DPH6: variants seen among roughly 807,000 people sequenced by gnomAD.
DPH6 encodes the protein diphthine--ammonia ligase.
Under a neutral mutation model 38.2 loss-of-function variants are expected in DPH6, and 33 were observed. That is an observed-to-expected ratio of 0.86 (90% CI 0.65 to 1.15). The LOEUF is 1.15. Ranked by LOEUF, DPH6 falls within the 50% of genes most tolerant of loss-of-function variation. The pLI, the probability that DPH6 is intolerant of heterozygous loss-of-function variation, is 0.00. For synonymous variants in DPH6, 108 were observed against 103.0 expected (o/e 1.05, Z -0.30); for missense variants, 325 against 320.0 (o/e 1.02, Z -0.12).
intron 3 of DPH6, among the ~76,000 whole-genome samples, chr15:35,464,755 T>TTA (rs1463902260): frequency 6.6e-6 from 1 of 152,152 alleles, no homozygotes; most frequent in Non-Finnish European, 1.5e-5. Flanking sequence ...CTGTAAGAGT[T>TTA]TATAACCTAG....
chr15:35,513,878 A>C (rs1376140954), intron 3 of DPH6, among the ~76,000 whole-genome samples: 1 of 152,036 alleles, frequency 6.6e-6, no homozygotes, highest in Non-Finnish European at 1.5e-5. Context: ...TTTAGCTATT[A>C]TGTTAATAAG....
chr15:35,519,045 C>T (rs1380170815), intron 3 of DPH6: 1 of 151,762 alleles, frequency 6.6e-6, no homozygotes, highest in Non-Finnish European at 1.5e-5. Context: ...TAAACTTAAT[C>T]CATAACATTT....
At chr15:35,243,186 T>G (rs1016549625) in intron 3 of DPH6, among the ~76,000 whole-genome samples, 1 of 141,654 alleles carries the variant, frequency 7.1e-6, no homozygotes, top group East Asian at 2.2e-4. Context: ...TGACAAATGT[T>G]TCTTCTAACA....
intron 6 of DPH6, among the ~76,000 whole-genome samples, chr15:35,390,774 G>A (rs1366947768): frequency 1.3e-5 from 2 of 151,816 alleles, no homozygotes; most frequent in African/African-American, 4.8e-5. Flanking sequence ...TAACTTCTTT[G>A]CCATTGGTTC....
chr15:35,294,809 C>G (rs960618177), intron 3 of DPH6, among the ~76,000 whole-genome samples: 1 of 152,158 alleles, frequency 6.6e-6, no homozygotes, highest in African/African-American at 2.4e-5. Context: ...AGAACTGGAT[C>G]AGGGAGGCCA....
chr15:35,332,537 T>C (rs918556647), intron 3 of DPH6, among the ~76,000 whole-genome samples: 1 of 152,174 alleles, frequency 6.6e-6, no homozygotes, highest in African/African-American at 2.4e-5. Context: ...ATTGTACTTT[T>C]TAAAAGGCCA....
chr15:35,269,084 A>T (rs2051803845), intron 3 of DPH6, among the ~76,000 whole-genome samples: 1 of 152,162 alleles, frequency 6.6e-6, no homozygotes, highest in African/African-American at 2.4e-5. Context: ...TGCTATTCAG[A>T]CTTATCCCCT....
At chr15:35,348,318 C>G (rs1451002126) in intron 3 of DPH6, among the ~76,000 whole-genome samples, 2 of 152,098 alleles carry the variant, frequency 1.3e-5, no homozygotes, top group Admixed American at 1.3e-4. Flanking sequence ...TTTTTAATTA[C>G]TTTTTGTATA....
chr15:35,253,313 A>G (rs947784189), intron 3 of DPH6, among the ~76,000 whole-genome samples: 1 of 152,228 alleles, frequency 6.6e-6, no homozygotes, highest in African/African-American at 2.4e-5. Flanking sequence ...TAAAATTTTT[A>G]CTGCTTCCTT....
At chr15:35,467,170 A>G (rs2054137261) in intron 3 of DPH6, among the ~76,000 whole-genome samples, 1 of 152,314 alleles carries the variant, frequency 6.6e-6, no homozygotes. Flanking sequence ...ATTAAAACAT[A>G]AATAAATTGT....
intron 3 of DPH6, among the ~76,000 whole-genome samples, chr15:35,496,645 A>G (rs913702940): frequency 1.4e-5 from 2 of 145,958 alleles, no homozygotes; most frequent in Non-Finnish European, 3.0e-5. Context: ...AAAATGAGCA[A>G]CAGACTTGAC....
At chr15:35,195,001 A>T in the DPH6 span, among the ~76,000 whole-genome samples, 2 of 152,198 alleles carry the variant, frequency 1.3e-5, no homozygotes, top group Non-Finnish European at 2.9e-5. Flanking sequence ...TGACCTATTG[A>T]ACACCAGGTT....
At chr15:35,411,781 C>CA (rs2053370156) in intron 5 of DPH6, among the ~76,000 whole-genome samples, 1 of 151,610 alleles carries the variant, frequency 6.6e-6, no homozygotes, top group African/African-American at 2.4e-5. Flanking sequence ...GTTTTGTCAA[C>CA]AAATGGTGTG....
At chr15:35,386,863 A>G (rs1249965946) in intron 6 of DPH6, among the ~76,000 whole-genome samples, 1 of 151,882 alleles carries the variant, frequency 6.6e-6, no homozygotes, top group South Asian at 2.1e-4. Flanking sequence ...CCATTTGTCA[A>G]TTTTGGCTTT....
the DPH6 span, among the ~76,000 whole-genome samples, chr15:35,190,247 C>T: frequency 2.0e-5 from 3 of 152,280 alleles, no homozygotes; most frequent in East Asian, 1.9e-4. Flanking sequence ...TAGACAGAGC[C>T]GATTTATCAA....
intron 3 of DPH6, among the ~76,000 whole-genome samples, chr15:35,241,559 C>A (rs1287993107): frequency 7.0e-6 from 1 of 142,680 alleles, no homozygotes; most frequent in East Asian, 2.2e-4. Flanking sequence ...ACCAAATTAT[C>A]TGCTTCCCTG....
At chr15:35,202,605 C>G in the DPH6 span, among the ~76,000 whole-genome samples, 1 of 151,696 alleles carries the variant, frequency 6.6e-6, no homozygotes, top group East Asian at 1.9e-4. Context: ...GTAAACGAGC[C>G]CTGAGCAGTC....
chr15:35,325,861 A>G (rs2052278061), downstream of DPH6, among the ~76,000 whole-genome samples: 1 of 152,234 alleles, frequency 6.6e-6, no homozygotes, highest in Non-Finnish European at 1.5e-5. Context: ...GAATATATAA[A>G]GAAATAATGT....
chr15:35,488,951 T>C (rs1394487957), intron 3 of DPH6, among the ~76,000 whole-genome samples: 1 of 151,720 alleles, frequency 6.6e-6, no homozygotes, highest in Middle Eastern at 3.2e-3. Flanking sequence ...TCACTTTCAG[T>C]CAATGAATGT....
Sources: gnomAD v4.1 joint callset for allele counts (sites outside exome capture counted in the v4.1 genomes callset) on GRCh38, gnomAD v4.1.1 for gene constraint, MANE v1.5 for transcripts, NCBI Gene and HGNC (gene_info 2026-07-23, HGNC 2026-07-21) for gene names.